The following MARCHF1 variants were observed in gnomAD, a reference collection of about 807,000 sequenced individuals.
MARCHF1 encodes the protein E3 ubiquitin-protein ligase MARCHF1.
In MARCHF1, 40 loss-of-function variants were observed where a neutral mutation model predicts 54.2. That is an observed-to-expected ratio of 0.74 (90% CI 0.57 to 0.96). The LOEUF (loss-of-function observed/expected upper bound fraction) is 0.96. MARCHF1 is among the 40% of genes least tolerant of loss of function. The pLI is 0.00. For missense variants in MARCHF1, 586 were observed against 656.5 expected (o/e 0.89, Z 1.17); for synonymous variants, 236 against 236.3 (o/e 1.00, Z 0.01).
chr4:163,739,647 T>C (rs1013937981), intron 4 of MARCHF1, among the ~76,000 whole-genome samples: 4 of 152,204 alleles, frequency 2.6e-5, no homozygotes, highest in African/African-American at 4.8e-5. Flanking sequence ...GTGAAATTCG[T>C]TAACATGACA....
At chr4:163,854,280 T>C (rs938349211) in intron 3 of MARCHF1, 111 bp from the exon 4 acceptor site, 1 of 828,408 alleles carries the variant, frequency 1.2e-6, no homozygotes, top group Non-Finnish European at 1.8e-6. Flanking sequence ...ATTGAGACTT[T>C]TTTAAAAAAA....
At chr4:163,642,992 C>T (rs749057456) in intron 5 of MARCHF1, among the ~76,000 whole-genome samples, 1 of 151,048 alleles carries the variant, frequency 6.6e-6, no homozygotes, top group South Asian at 2.1e-4. Flanking sequence ...TATACACACA[C>T]ATATATATAC....
At chr4:163,820,025 G>A (rs954980159) in intron 4 of MARCHF1, among the ~76,000 whole-genome samples, 7 of 152,090 alleles carry the variant, frequency 4.6e-5, no homozygotes, top group African/African-American at 9.6e-5. Flanking sequence ...AAAAAATACC[G>A]ATCCTGTGTT....
chr4:163,771,073 T>C (rs112114618), intron 4 of MARCHF1, among the ~76,000 whole-genome samples: 217 of 152,328 alleles, frequency 1.4e-3, no homozygotes, highest in African/African-American at 5.0e-3. Context: ...TATAGAAAAA[T>C]AGTGACCAAA....
chr4:163,632,450 G>A (rs1286874176), intron 5 of MARCHF1, among the ~76,000 whole-genome samples: 1 of 152,214 alleles, frequency 6.6e-6, no homozygotes, highest in African/African-American at 2.4e-5. Flanking sequence ...CAAGGGGTCA[G>A]GGAGTTCCCT....
intron 4 of MARCHF1, among the ~76,000 whole-genome samples, chr4:163,759,382 T>A (rs1456932994): frequency 6.6e-6 from 1 of 152,142 alleles, no homozygotes; most frequent in Non-Finnish European, 1.5e-5. Context: ...TTTATAAGCT[T>A]TTTTTTCATT....
chr4:164,245,073 A>T (rs1732901062), intron 1 of MARCHF1, among the ~76,000 whole-genome samples: 1 of 152,228 alleles, frequency 6.6e-6, no homozygotes, highest in Non-Finnish European at 1.5e-5. Context: ...ATTCCAATCA[A>T]TAGAAAAAGA....
At chr4:164,374,778 T>C (rs1394466106) in intron 1 of MARCHF1, among the ~76,000 whole-genome samples, 1 of 152,158 alleles carries the variant, frequency 6.6e-6, no homozygotes, top group African/African-American at 2.4e-5. Flanking sequence ...AATACTTGTT[T>C]ATCCATTTAT....
chr4:163,917,603 AAATTT>A (rs1751338019), intron 3 of MARCHF1, among the ~76,000 whole-genome samples: 3 of 152,102 alleles, frequency 2.0e-5, no homozygotes, highest in African/African-American at 7.2e-5. Flanking sequence ...TCCTGATACT[AAATTT>A]AATTTCTTTT....
At chr4:164,356,860 A>C (rs1368674929) in intron 1 of MARCHF1, among the ~76,000 whole-genome samples, 3 of 150,932 alleles carry the variant, frequency 2.0e-5, no homozygotes, top group African/African-American at 4.9e-5. Context: ...GAAAAATATT[A>C]GTGGTTTATC....
At chr4:163,991,893 C>T (rs1367484294) in intron 2 of MARCHF1, among the ~76,000 whole-genome samples, 1 of 151,922 alleles carries the variant, frequency 6.6e-6, no homozygotes, top group African/African-American at 2.4e-5. Context: ...CAAAATTTGG[C>T]ATTTTTACAT....
chr4:164,140,627 C>T (rs1287235031), intron 1 of MARCHF1, among the ~76,000 whole-genome samples: 2 of 152,114 alleles, frequency 1.3e-5, no homozygotes, highest in African/African-American at 4.8e-5. Flanking sequence ...ACTGATCTGC[C>T]AGCTCCTCGG....
intron 8 of MARCHF1, among the ~76,000 whole-genome samples, chr4:163,573,965 C>G (rs1739940662): frequency 6.6e-6 from 1 of 151,344 alleles, no homozygotes. Context: ...CACATCCTCT[C>G]CAGCACCTGT....
intron 1 of MARCHF1, among the ~76,000 whole-genome samples, chr4:164,155,776 T>C (rs1275467187): frequency 4.6e-5 from 7 of 152,162 alleles, no homozygotes; most frequent in African/African-American, 1.4e-4. Flanking sequence ...AATGTATTCA[T>C]GTAACAAAAC....
intron 3 of MARCHF1, among the ~76,000 whole-genome samples, chr4:163,854,386 C>T (rs1749715244): frequency 6.6e-6 from 1 of 152,026 alleles, no homozygotes; most frequent in Non-Finnish European, 1.5e-5. Flanking sequence ...TTTCAAAGGG[C>T]CTAACATCTT....
intron 4 of MARCHF1, among the ~76,000 whole-genome samples, chr4:163,762,143 A>C (rs1235589081): frequency 1.3e-5 from 2 of 152,172 alleles, no homozygotes; most frequent in Admixed American, 1.3e-4. Flanking sequence ...TTTCTTAAGT[A>C]AAGCCTCTCT....
intron 3 of MARCHF1, among the ~76,000 whole-genome samples, chr4:163,935,202 G>C (rs1417103909): frequency 6.6e-6 from 1 of 152,052 alleles, no homozygotes; most frequent in East Asian, 1.9e-4. Context: ...TTTCTAAATG[G>C]TAAATGAGCA....
chr4:163,968,039 G>A (rs1752477865), intron 3 of MARCHF1, among the ~76,000 whole-genome samples: 1 of 152,134 alleles, frequency 6.6e-6, no homozygotes, highest in African/African-American at 2.4e-5. Context: ...GCTTTAACTT[G>A]ATAAGATATT....
chr4:163,769,868 G>C (rs530439955), intron 4 of MARCHF1, among the ~76,000 whole-genome samples: 1 of 152,150 alleles, frequency 6.6e-6, no homozygotes, highest in Admixed American at 6.5e-5. Flanking sequence ...AGCCACAAAG[G>C]TATGAACTAC....
Sources: allele counts gnomAD v4.1 joint callset (sites outside exome capture counted in the v4.1 genomes callset), GRCh38; gene constraint gnomAD v4.1.1; transcripts MANE v1.5; gene names NCBI Gene and HGNC (gene_info 2026-07-23, HGNC 2026-07-21).